The following SCFD2 variants were observed in gnomAD, a reference collection of about 807,000 sequenced individuals.
SCFD2 encodes sec1 family domain-containing protein 2.
In SCFD2, 54 loss-of-function variants were observed where a neutral mutation model predicts 58.9. The ratio of observed to expected loss-of-function variants is 0.92; its 90% CI spans 0.74 to 1.15. The LOEUF is 1.15. SCFD2 is among the 50% of genes most tolerant of loss of function. SCFD2 has a pLI of 0.00. For missense variants in SCFD2, 805 were observed against 836.6 expected, an observed-to-expected ratio of 0.96 and a Z score of 0.47; for synonymous variants, 321 against 335.9, an observed-to-expected ratio of 0.96 and a Z score of 0.49.
At chr4:53,128,458 C>T (rs1352450012) in intron 5 of SCFD2, among the ~76,000 whole-genome samples, 1 of 152,076 alleles carries the variant, frequency 6.6e-6, no homozygotes, top group Non-Finnish European at 1.5e-5. Flanking sequence ...TGGGCTTCTG[C>T]GTTTCCGAGG....
chr4:53,094,668 G>T (rs1724566509), intron 5 of SCFD2, among the ~76,000 whole-genome samples: 1 of 151,602 alleles, frequency 6.6e-6, no homozygotes, highest in African/African-American at 2.4e-5. Context: ...TTTAATCTCT[G>T]TTGGACCATT....
At chr4:52,948,340 T>A (rs1311963615) in intron 5 of SCFD2, 2 of 292,644 alleles carry the variant, frequency 6.8e-6, no homozygotes, top group Non-Finnish European at 1.4e-5. Flanking sequence ...GACCGGGAAG[T>A]AATGATGATG....
At chr4:53,212,602 G>GTGTGTGTGTGTGTGTGTGTGTGTT (rs57906429) in intron 4 of SCFD2, among the ~76,000 whole-genome samples, 19 of 150,504 alleles carry the variant, frequency 1.3e-4, no homozygotes, top group African/African-American at 3.7e-4. Flanking sequence ...GTGTGTGTGT[G>GTGTGTGTGTGTGTGTGTGTGTGTT]TGTGTGCATG....
In SCFD2 at chr4:53,202,788, A is replaced by G. The variant is rs1004704758; in HGVS notation, c.1312-57206T>C. On this transcript the variant is annotated intron_variant, in intron 4 of 8. Transcript: ENST00000401642. ...TAGGTATTTTATTCTCTTTGAAGCA[A>G]TTGTGAATGGGAGTTCACTCATGAT... Among the ~76,000 whole-genome samples the G allele has an allele frequency of 4.6e-5, 7 of 152,074 alleles. No homozygotes were observed. In the East Asian group the frequency reaches 1.3e-3, roughly 29 times the overall value.
At chr4:52,892,826 G>T (rs753204599) in intron 7 of SCFD2, among the ~76,000 whole-genome samples, 3 of 152,070 alleles carry the variant, frequency 2.0e-5, no homozygotes, top group African/African-American at 4.8e-5. Context: ...TTCCTTAACC[G>T]CAACAATGAC....
At chr4:53,342,640 A>G (rs1733918324) in intron 2 of SCFD2, among the ~76,000 whole-genome samples, 1 of 152,272 alleles carries the variant, frequency 6.6e-6, no homozygotes, top group Non-Finnish European at 1.5e-5. Context: ...TCTAACTGAA[A>G]TACACAGAAT....
intron 4 of SCFD2, among the ~76,000 whole-genome samples, chr4:53,197,508 T>C (rs1450069671): frequency 2.0e-5 from 3 of 152,054 alleles, no homozygotes; most frequent in Non-Finnish European, 2.9e-5. Flanking sequence ...AAATTTCAGA[T>C]TTTTTCCCCA....
At chr4:53,325,694 T>TTA (rs1169976765) in intron 2 of SCFD2, among the ~76,000 whole-genome samples, 2 of 152,242 alleles carry the variant, frequency 1.3e-5, no homozygotes, top group Non-Finnish European at 2.9e-5. Context: ...TGACTTATTT[T>TTA]TATCTCCTTT....
Position 53,348,420 on chromosome 4 carries a change from A to G in SCFD2, c.1007+4178T>C, listed in dbSNP as rs181082104. On this transcript the variant is annotated intron_variant, in intron 2 of 8. Transcript: ENST00000401642. ...GTAGGTTTGGTCGAAGGTAGTAGTTATTATTGTTTTGATAGACATATAAAT... is the reference window on the plus strand; with the variant it reads ...GTAGGTTTGGTCGAAGGTAGTAGTTGTTATTGTTTTGATAGACATATAAAT... 3.1e-3 allele frequency among the ~76,000 whole-genome samples: 466 copies of G among 152,310 alleles called. 3 individuals carry two copies. Among genetic ancestry groups the G allele is most frequent in the African/African-American group, 0.01 (435 of 41,568 alleles).
chr4:53,295,996 C>A (rs1225651007), intron 3 of SCFD2, among the ~76,000 whole-genome samples: 1 of 152,152 alleles, frequency 6.6e-6, no homozygotes, highest in Non-Finnish European at 1.5e-5. Flanking sequence ...CTGGCTTGAT[C>A]ATGGTGGATA....
intron 4 of SCFD2, among the ~76,000 whole-genome samples, chr4:53,261,012 A>C (rs1730812889): frequency 6.6e-6 from 1 of 152,160 alleles, no homozygotes; most frequent in African/African-American, 2.4e-5. Flanking sequence ...TTAAGCATGT[A>C]AAGGTGTTCA....
intron 4 of SCFD2, among the ~76,000 whole-genome samples, chr4:53,153,108 A>AG (rs2148919779): frequency 6.6e-6 from 1 of 152,276 alleles, no homozygotes; most frequent in African/African-American, 2.4e-5. Flanking sequence ...TGCAGTCTGG[A>AG]GGATGGTGCC....
At chr4:53,236,038 C>T (rs537541213) in intron 4 of SCFD2, among the ~76,000 whole-genome samples, 5 of 152,094 alleles carry the variant, frequency 3.3e-5, no homozygotes, top group East Asian at 3.9e-4. Context: ...TTGAAGGATA[C>T]GAAGTATTGA....
chr4:53,336,777 A>T (rs570810812), intron 2 of SCFD2, among the ~76,000 whole-genome samples: 1 of 152,206 alleles, frequency 6.6e-6, no homozygotes, highest in East Asian at 1.9e-4. Flanking sequence ...GGCCTCCCAA[A>T]GTTCTGGAAT....
intron 3 of SCFD2, among the ~76,000 whole-genome samples, chr4:53,280,086 G>C (rs1190089707): frequency 4.6e-5 from 7 of 152,144 alleles, no homozygotes; most frequent in Non-Finnish European, 2.9e-5. Flanking sequence ...TTTCTGGCTG[G>C]TAAAATATAC....
chr4:53,000,853 C>G (rs1721848235), intron 5 of SCFD2, among the ~76,000 whole-genome samples: 2 of 152,168 alleles, frequency 1.3e-5, no homozygotes, highest in Admixed American at 1.3e-4. Flanking sequence ...GGGTCTTTGC[C>G]TACCACTCAC....
intron 5 of SCFD2, among the ~76,000 whole-genome samples, chr4:53,123,293 T>C (rs1298902240): frequency 6.6e-6 from 1 of 152,152 alleles, no homozygotes; most frequent in Non-Finnish European, 1.5e-5. Flanking sequence ...TAAACAACAT[T>C]AGTCTAAGCA....
intron 5 of SCFD2, among the ~76,000 whole-genome samples, chr4:53,058,779 G>A (rs942620214): frequency 3.3e-5 from 5 of 152,202 alleles, no homozygotes; most frequent in Non-Finnish European, 5.9e-5. Context: ...GTGGAAGACT[G>A]AATATACAAG....
chr4:53,005,007 C>T lies in SCFD2; in HGVS notation c.1562-84137G>A, dbSNP rs182220358. On this transcript the variant is annotated intron_variant, in intron 5 of 8. Transcript: ENST00000401642. ...TCTGCCTCCTGGGTTTAGTAATTCT[C>T]CTGCCTCAGCCTCCCCAGTAGCTGG... Among the ~76,000 whole-genome samples the T allele has an allele frequency of 5.3e-5, 8 of 152,282 alleles. No individual in the cohort carries two copies. In the East Asian group the frequency reaches 1.5e-3, roughly 29 times the overall value.
Sources: allele counts gnomAD v4.1 joint callset (sites outside exome capture counted in the v4.1 genomes callset), GRCh38; gene constraint gnomAD v4.1.1; transcripts MANE v1.5; gene names NCBI Gene and HGNC (gene_info 2026-07-23, HGNC 2026-07-21).